Variants in LAMC2 observed in about 807,000 individuals in gnomAD.
LAMC2 encodes the protein laminin subunit gamma 2, also known as laminin subunit gamma-2.
LAMC2 carries 97 observed loss-of-function variants against 140.2 expected under a neutral mutation model. The ratio of observed to expected loss-of-function variants is 0.69; its 90% CI spans 0.59 to 0.82. The LOEUF (loss-of-function observed/expected upper bound fraction) is 0.82. Ranked by LOEUF, LAMC2 falls within the 40% of genes least tolerant of loss-of-function variation. The pLI is 0.00. For synonymous variants in LAMC2, 513 were observed against 540.2 expected (o/e 0.95, Z 0.70); for missense variants, 1,402 against 1,476.1 (o/e 0.95, Z 0.82).
intron 3 of LAMC2, among the ~76,000 whole-genome samples, chr1:183,217,585 A>G (rs1253999552): frequency 6.6e-6 from 1 of 152,262 alleles, no homozygotes; most frequent in African/African-American, 2.4e-5. Flanking sequence ...GACACATACT[A>G]TGACATAGAT....
intron 1 of LAMC2, among the ~76,000 whole-genome samples, chr1:183,190,532 A>T (rs1013954883): frequency 6.6e-6 from 1 of 151,960 alleles, no homozygotes; most frequent in African/African-American, 2.4e-5. Context: ...AGATTCAGCA[A>T]ATCTATTGCT....
Position 183,239,469 on chromosome 1 carries a change from A to G in LAMC2, c.2975A>G (p.Gln992Arg), listed in dbSNP as rs1429784288. 6.2e-7 allele frequency: 1 copy of G among 1,614,016 alleles called. No individual in the cohort carries two copies. Among genetic ancestry groups the G allele is most frequent in the East Asian group, 2.2e-5 (1 of 44,898 alleles). The part of the protein sequence containing the change: ...KVSDASDKTQ[Q>R]AERALGSAAA... ...TCAGATGCCAGTGACAAGACCCAGC[A>G]AGCAGAAAGAGCCCTGGGGAGCGCT... Residue 992 changes from glutamine (Q) to arginine (R), a missense_variant, in exon 20 of 23, where the codon CAA becomes CGA. By Grantham distance (43) the Gln-to-Arg change is conservative. Transcript: ENST00000264144.
At chr1:183,254,156 C>A in the LAMC2 span, among the ~76,000 whole-genome samples, 1 of 152,032 alleles carries the variant, frequency 6.6e-6, no homozygotes, top group African/African-American at 2.4e-5. Context: ...TCTTTAGGAA[C>A]CTCTATTCTG....
intron 1 of LAMC2, among the ~76,000 whole-genome samples, chr1:183,191,748 A>C (rs1477258270): frequency 1.3e-5 from 2 of 151,990 alleles, no homozygotes; most frequent in Non-Finnish European, 2.9e-5. Context: ...AATCCCAGCT[A>C]CTCAGGAGGC....
In LAMC2 at chr1:183,237,486, T is replaced by C. The variant is rs146196115; in HGVS notation, c.2736T>C (p.Asn912=). 2.7e-3 allele frequency: 4,369 copies of C among 1,613,988 alleles called. 14 individuals carry two copies. The highest frequency in any genetic ancestry group is 3.3e-3 in the Non-Finnish European group (3,904 of 1,179,886). ...WKEEAQQLLQ[N]GKSGREKSDQ... is the part of the protein sequence containing the mutation. ...AAGAAGCACAGCAGCTCTTACAGAA[T>C]GGAAAAAGTGGGAGAGAGGTATTCT... The change falls in exon 18 of 23, where the codon AAT becomes AAC. Residue 912 remains asparagine (N), a synonymous_variant. Coordinates refer to ENST00000264144, the MANE Select transcript of LAMC2 (RefSeq NM_005562.3).
Position 183,232,155 on chromosome 1 carries a change from C to G in LAMC2, c.1858-32C>G, listed in dbSNP as rs201312616. Reference sequence around the variant, plus strand: ...TGATCCCTTGGGTACATGGTCTCCACCCTCGTTCTGATCTTTCCTGTGTGG... The same window carrying G: ...TGATCCCTTGGGTACATGGTCTCCAGCCTCGTTCTGATCTTTCCTGTGTGG... On this transcript the variant is annotated intron_variant, in intron 12 of 22. Coordinates refer to ENST00000264144, the MANE Select transcript of LAMC2 (RefSeq NM_005562.3). The G allele has an allele frequency of 2.2e-5, 35 of 1,612,578 alleles. No homozygotes were observed. In the Admixed American group the frequency reaches 3.8e-4, roughly 18 times the overall value.
Position 183,244,314 on chromosome 1 carries a change from TCTTTC to T in LAMC2, c.*917_*921del, listed in dbSNP as rs1660198157. On this transcript the variant is annotated 3_prime_UTR_variant, in exon 23 of 23. Transcript: ENST00000264144. ...TATCTTATTTTCTCAATCTCCTCTC[TCTTTC>T]CTCCACCCATAATAAGAGAATGTTC... is the stretch of plus-strand genomic sequence containing the variant. 6.6e-6 allele frequency: 1 copy of T among 152,148 alleles called. No individual in the cohort carries two copies. Among genetic ancestry groups the T allele is most frequent in the East Asian group, 1.9e-4 (1 of 5,198 alleles). The allele number at this position is 152,148 out of a possible 1,614,324, so 9.4% of individuals were successfully genotyped here.
intron 4 of LAMC2, among the ~76,000 whole-genome samples, chr1:183,219,643 T>G (rs1359283641): frequency 1.3e-5 from 2 of 152,186 alleles, no homozygotes; most frequent in African/African-American, 4.8e-5. Flanking sequence ...CCATCCTTCC[T>G]TGTTTTTTTA....
chr1:183,255,316 C>T, the LAMC2 span, among the ~76,000 whole-genome samples: 1 of 152,186 alleles, frequency 6.6e-6, no homozygotes, highest in Non-Finnish European at 1.5e-5. Flanking sequence ...TTGATTACTA[C>T]AGCTTTGTAA....
At chr1:183,226,655 G>A (rs1395846266) in intron 8 of LAMC2, 43 bp from the exon 9 acceptor site, 1 of 1,517,566 alleles carries the variant, frequency 6.6e-7, no homozygotes, top group East Asian at 2.3e-5. Flanking sequence ...GAGATCTTTA[G>A]ACTGTACCAC....
intron 1 of LAMC2, among the ~76,000 whole-genome samples, chr1:183,205,775 T>C (rs964428434): frequency 4.0e-5 from 6 of 151,108 alleles, no homozygotes; most frequent in African/African-American, 1.5e-4. Flanking sequence ...GTCTGTTGGA[T>C]AAATAAAAGA....
rs757320368 is a variant in LAMC2, at chr1:183,223,281, G to A, written c.910G>A (p.Gly304Ser). ...LRITAPLMPL[G>S]KTLPCGLTKT... ...GATCACAGCTCCCTTGATGCCACTTGGCAAGACACTGCCTTGTGGGCTCAC... is the reference window on the plus strand; with the variant it reads ...GATCACAGCTCCCTTGATGCCACTTAGCAAGACACTGCCTTGTGGGCTCAC... Residue 304 changes from glycine to serine, a missense_variant, in exon 7 of 23, where the codon GGC becomes AGC. Coordinates refer to ENST00000264144, the MANE Select transcript of LAMC2 (RefSeq NM_005562.3). 1.8e-5 allele frequency: 29 copies of A among 1,614,042 alleles called. No homozygotes were observed. Among genetic ancestry groups the A allele is most frequent in the Non-Finnish European group, 2.2e-5 (26 of 1,180,046 alleles).
At chr1:183,241,184 G>A (rs920293450) in intron 22 of LAMC2, 10 of 472,528 alleles carry the variant, frequency 2.1e-5, no homozygotes, top group Non-Finnish European at 2.8e-5. Flanking sequence ...GGAGGCGGAG[G>A]TTACAGTGAG....
intron 7 of LAMC2, 54 bp from the exon 8 acceptor site, chr1:183,225,554 G>A (rs1288722269): frequency 2.4e-5 from 28 of 1,178,108 alleles, no homozygotes; most frequent in Admixed American, 3.4e-5. Context: ...TTTATAACAG[G>A]TAGGTATGTG....
At chr1:183,191,784 G>A (rs772247326) in intron 1 of LAMC2, among the ~76,000 whole-genome samples, 2 of 151,970 alleles carry the variant, frequency 1.3e-5, no homozygotes, top group African/African-American at 4.8e-5. Flanking sequence ...GCTTGAACCC[G>A]GGAGGCAGAG....
intron 2 of LAMC2, among the ~76,000 whole-genome samples, chr1:183,212,001 G>GT (rs553514532): frequency 5.2e-4 from 76 of 147,184 alleles, no homozygotes; most frequent in Admixed American, 1.8e-3. Flanking sequence ...GGGGCAGGTT[G>GT]TTTTTTTTTT....
chr1:183,218,474 A>C lies in LAMC2; in HGVS notation c.489A>C (p.Gly163=). 1 of 1,613,190 alleles carries C rather than the reference A, an allele frequency of 6.2e-7. No individual in the cohort carries two copies. Among genetic ancestry groups the C allele is most frequent in the Non-Finnish European group, 8.5e-7 (1 of 1,179,266 alleles). The change falls in exon 4 of 23, where the codon GGA becomes GGC. Residue 163 remains glycine (G), a synonymous_variant. Transcript: ENST00000264144. ...GRCVCKPAVT[G]ERCDRCRSGY... The stretch of plus-strand genomic sequence containing the variant: ...GTGTCTGCAAGCCAGCTGTCACTGG[A>C]GAACGCTGTGATAGGTCTGTGTGAA...
chr1:183,225,030 C>G (rs941787110), intron 7 of LAMC2, among the ~76,000 whole-genome samples: 6 of 149,482 alleles, frequency 4.0e-5, no homozygotes, highest in Non-Finnish European at 8.8e-5. Flanking sequence ...GTGAATGAAA[C>G]GAAGGTGGGT....
chr1:183,243,386 C>T lies in LAMC2; in HGVS notation c.3568C>T (p.Leu1190Phe). The T allele has an allele frequency of 1.2e-6, 2 of 1,614,194 alleles. No homozygotes were observed. The highest frequency in any genetic ancestry group is 1.7e-6 in the Non-Finnish European group (2 of 1,180,034). ...CCCAGGCTGCTACAATACCCAGGCT[C>T]TTGAGCAACAGTGAAGCTGCCATAA... Reference protein sequence around the residue: ...LPPGCYNTQALEQQ With the variant: ...LPPGCYNTQAFEQQ The change falls in exon 23 of 23, where the codon CTT (leucine) becomes TTT (phenylalanine). Residue 1190 changes from leucine to phenylalanine, a missense_variant. By Grantham distance (22) the Leu-to-Phe change is conservative. Around this residue, in one of 3 missense-constraint regions of LAMC2, gnomAD observed 670 missense variants for 667.2 expected, o/e 1.00. Transcript: ENST00000264144.
Sources: gnomAD v4.1 joint callset for allele counts (sites outside exome capture counted in the v4.1 genomes callset) on GRCh38, gnomAD v4.1.1 for gene constraint, gnomAD v4.1.1 regional missense constraint, MANE v1.5 for transcripts, NCBI Gene and HGNC (gene_info 2026-07-23, HGNC 2026-07-21) for gene names.